TRIP12: variants seen among roughly 807,000 people sequenced by gnomAD.
TRIP12 encodes E3 ubiquitin-protein ligase TRIP12.
TRIP12 carries 25 observed loss-of-function variants against 244.2 expected under a neutral mutation model. The ratio of observed to expected loss-of-function variants is 0.10; its 90% CI spans 0.07 to 0.14. The LOEUF is 0.14. Among genes scored for constraint, TRIP12 ranks in the 10% least tolerant of loss-of-function variants. The probability of loss-of-function intolerance (pLI) is 1.00; values close to 1 mark genes in which losing one functional copy is unlikely to be tolerated. For synonymous variants in TRIP12, 905 were observed against 873.1 expected (o/e 1.04, Z -0.64); for missense variants, 1,677 against 2,486.4 (o/e 0.67, Z 6.92).
chr2:229,860,510 T>C lies in TRIP12; in HGVS notation c.120A>G (p.Lys40=), dbSNP rs751191063. 1.9e-5 allele frequency: 30 copies of C among 1,609,300 alleles called. No individual in the cohort carries two copies. The highest frequency in any genetic ancestry group is 2.4e-5 in the Non-Finnish European group (28 of 1,178,070). ...IGGRSHLGQA[K]HKGYSPPESR... ...TCTCAGGAGGGCTATATCCCTTATG[T>C]TTTGCCTGCCCTAAATGTGACCTGT... The change falls in exon 3 of 42, where the codon AAA becomes AAG. Residue 40 remains lysine (K), a synonymous_variant. Transcript: ENST00000675903.
rs1438935495 is a variant in TRIP12, at chr2:229,797,752, T to C, written c.3562A>G (p.Ser1188Gly). ...RYFSSENMDG[S>G]NPALNVLQRL... ...TGAAGGACATTCAATGCAGGGTTGC[T>C]TCCATCCATATTCTCAGAACTGAAA... is the stretch of plus-strand genomic sequence containing the variant. Residue 1188 changes from serine to glycine, a missense_variant, in exon 24 of 42, where the codon AGC becomes GGC. By Grantham distance (56) the Ser-to-Gly change is moderately conservative (BLOSUM62 0). Transcript: ENST00000675903. 1 of 1,613,966 alleles carries C rather than the reference T, an allele frequency of 6.2e-7. No homozygotes were observed. The highest frequency in any genetic ancestry group is 1.3e-5 in the African/African-American group (1 of 74,926).
intron 13 of TRIP12, among the ~76,000 whole-genome samples, chr2:229,812,946 C>T (rs899001348): frequency 2.0e-5 from 3 of 152,152 alleles, no homozygotes; most frequent in South Asian, 2.1e-4. Context: ...TAACAAACAA[C>T]GCTTTAAAAT....
rs1220470982 is a variant in TRIP12 at position 229,829,298 on chromosome 2, AAAG to A, written c.1355-13_1355-11del. 6.2e-7 allele frequency: 1 copy of A among 1,607,772 alleles called. No homozygotes were observed. Among genetic ancestry groups the A allele is most frequent in the Non-Finnish European group, 8.5e-7 (1 of 1,177,226 alleles). ...CTTGCCTCTAACAAAGCTAAAGAAA[AAAG>A]AAGGGCAGAGTGAACAACTAAGATG... is the stretch of plus-strand genomic sequence containing the variant. On this transcript the variant is annotated splice_polypyrimidine_tract_variant and intron_variant, in intron 7 of 41. Transcript: ENST00000675903.
At chr2:229,814,418 T>C (rs2047999932) in intron 11 of TRIP12, 93 bp from the exon 12 acceptor site, 2 of 1,229,466 alleles carry the variant, frequency 1.6e-6, no homozygotes, top group Non-Finnish European at 2.3e-6. Flanking sequence ...TACATCCATG[T>C]ATACTATCTC....
At chr2:229,904,871 C>G (rs2072229966) in intron 1 of TRIP12, among the ~76,000 whole-genome samples, 1 of 152,116 alleles carries the variant, frequency 6.6e-6, no homozygotes, top group South Asian at 2.1e-4. Context: ...TTAGTTGTGT[C>G]AAATGTACCA....
intron 38 of TRIP12, among the ~76,000 whole-genome samples, chr2:229,772,299 ATT>A (rs1480310074): frequency 6.6e-6 from 1 of 152,236 alleles, no homozygotes; most frequent in Non-Finnish European, 1.5e-5. Context: ...AGTATAAATT[ATT>A]TTGAGATAAC....
At chr2:229,866,287 T>C (rs759394046) in intron 2 of TRIP12, among the ~76,000 whole-genome samples, 1 of 152,188 alleles carries the variant, frequency 6.6e-6, no homozygotes, top group Non-Finnish European at 1.5e-5. Flanking sequence ...TCAGGCACCG[T>C]TTTTAATGCC....
chr2:229,821,709 T>G (rs2050098198), intron 8 of TRIP12, among the ~76,000 whole-genome samples: 1 of 152,130 alleles, frequency 6.6e-6, no homozygotes, highest in Non-Finnish European at 1.5e-5. Flanking sequence ...GGAGCGTGGA[T>G]TTGGCCCTTG....
Position 229,778,298 on chromosome 2 carries a change from C to G in TRIP12, c.5364+135G>C. 8.6e-7 allele frequency: 1 copy of G among 1,160,142 alleles called. No homozygotes were observed. The highest frequency in any genetic ancestry group is 1.2e-6 in the Non-Finnish European group (1 of 824,124). 71.9% of individuals were successfully genotyped at this position (1,160,142 alleles called of 1,614,324 possible). On this transcript the variant is annotated intron_variant, in intron 36 of 41. Coordinates refer to ENST00000675903, the MANE Select transcript of TRIP12 (RefSeq NM_001348323.3). This position sits in a 1 kb window ranked among gnomAD's most constrained non-coding sequence, Gnocchi z 4.1. ...TCAGAACCGGCATTTTTAACAAAAT[C>G]CCCAAGTAATTCATATGTGTATTGA...
At chr2:229,817,666 T>C (rs893774629) in intron 9 of TRIP12, among the ~76,000 whole-genome samples, 10 of 152,142 alleles carry the variant, frequency 6.6e-5, no homozygotes, top group Admixed American at 6.5e-4. Context: ...TGCAAGAGAT[T>C]AGAGCGATTC....
At chr2:229,841,508 A>G (rs1034734885) in intron 4 of TRIP12, among the ~76,000 whole-genome samples, 6 of 152,192 alleles carry the variant, frequency 3.9e-5, no homozygotes, top group Non-Finnish European at 5.9e-5. Context: ...AAGCTAACTA[A>G]TGCCTTTACA....
intron 18 of TRIP12, 71 bp downstream of exon 18, chr2:229,805,659 T>G (rs2045699470): frequency 7.4e-7 from 1 of 1,351,484 alleles, no homozygotes; most frequent in East Asian, 2.4e-5. Flanking sequence ...AATAAGCCAA[T>G]TATTATTTAT....
chr2:229,824,406 C>T (rs943475650), intron 8 of TRIP12, among the ~76,000 whole-genome samples: 2 of 152,020 alleles, frequency 1.3e-5, no homozygotes, highest in Admixed American at 6.5e-5. Flanking sequence ...ACAAAAACAT[C>T]GTATGCATTT....
At chr2:229,813,657 G>A (rs949033477) in intron 13 of TRIP12, among the ~76,000 whole-genome samples, 1 of 152,026 alleles carries the variant, frequency 6.6e-6, no homozygotes, top group Admixed American at 6.6e-5. Context: ...GGTGGCACAC[G>A]CCTGTAATCC....
chr2:229,788,010 C>T (rs1575000663), intron 32 of TRIP12, among the ~76,000 whole-genome samples: 1 of 152,088 alleles, frequency 6.6e-6, no homozygotes, highest in Admixed American at 6.6e-5. Context: ...ACCATGTTGG[C>T]CAGGCTGGTC....
chr2:229,891,072 G>A (rs1056201611), intron 1 of TRIP12, among the ~76,000 whole-genome samples: 3 of 152,170 alleles, frequency 2.0e-5, no homozygotes, highest in Non-Finnish European at 2.9e-5. Flanking sequence ...TTGAGCCCAG[G>A]AGTTCAAGAC....
intron 34 of TRIP12, among the ~76,000 whole-genome samples, chr2:229,785,285 G>A (rs1162300500): frequency 1.3e-5 from 2 of 152,222 alleles, no homozygotes; most frequent in Non-Finnish European, 2.9e-5. Flanking sequence ...GGCTGAGGAT[G>A]GGGTAGGGGA....
At chr2:229,870,143 C>T (rs536057795) in intron 2 of TRIP12, among the ~76,000 whole-genome samples, 1 of 152,296 alleles carries the variant, frequency 6.6e-6, no homozygotes, top group Non-Finnish European at 1.5e-5. Flanking sequence ...CCCATCAAAA[C>T]GCATGGGAAG....
intron 8 of TRIP12, among the ~76,000 whole-genome samples, chr2:229,824,743 T>C (rs2051053831): frequency 6.6e-6 from 1 of 152,164 alleles, no homozygotes; most frequent in South Asian, 2.1e-4. Flanking sequence ...GGCATTCCCA[T>C]GGACAATATA....
Sources: gnomAD v4.1 joint callset for allele counts (sites outside exome capture counted in the v4.1 genomes callset) on GRCh38, gnomAD v4.1.1 for gene constraint, Gnocchi (gnomAD v3.1) non-coding constraint, MANE v1.5 for transcripts, NCBI Gene and HGNC (gene_info 2026-07-23, HGNC 2026-07-21) for gene names.